Variants in HACD3 observed in about 807,000 individuals in gnomAD.
The protein encoded by HACD3 is very-long-chain (3R)-3-hydroxyacyl-CoA dehydratase 3.
Under a neutral mutation model 55.2 loss-of-function variants are expected in HACD3, and 30 were observed. The observed-to-expected ratio is 0.54, with a 90% CI of 0.41 to 0.74. HACD3 has a LOEUF of 0.74. Among genes scored for constraint, HACD3 ranks in the 30% least tolerant of loss-of-function variants. The pLI is 0.00. For synonymous variants in HACD3, 141 were observed against 151.7 expected (o/e 0.93, Z 0.52); for missense variants, 363 against 440.1 (o/e 0.82, Z 1.57).
intron 1 of HACD3, among the ~76,000 whole-genome samples, chr15:65,544,185 GA>G (rs1305782948): frequency 2.0e-5 from 3 of 151,544 alleles, no homozygotes; most frequent in African/African-American, 7.3e-5. Context: ...TCAAAAAAAA[GA>G]AAAAAATAAA....
At position 65,575,382 on chromosome 15, in the gene HACD3, G is replaced by A. The variant is rs1043992571; in HGVS notation, c.1013-921G>A. The stretch of plus-strand genomic sequence containing the variant: ...TTTGTATTTTCAGTAGAGATGGGGC[G>A]TCACAATGTTGGCCAGGCTGGTCTC... On this transcript the variant is annotated intron_variant, in intron 10 of 10. Coordinates refer to ENST00000261875, the MANE Select transcript of HACD3 (RefSeq NM_016395.4). Among the ~76,000 whole-genome samples, 8 of 151,972 alleles carry A rather than the reference G, an allele frequency of 5.3e-5. No homozygotes were observed. The East Asian group carries it at 9.7e-4, about 18-fold the overall frequency.
intron 1 of HACD3, among the ~76,000 whole-genome samples, chr15:65,540,424 GT>G (rs1484784244): frequency 6.6e-6 from 1 of 152,214 alleles, no homozygotes; most frequent in African/African-American, 2.4e-5. Context: ...AGAATAATTG[GT>G]AGAGGCTATT....
At chr15:65,544,029 T>TA (rs2072047940) in intron 1 of HACD3, among the ~76,000 whole-genome samples, 1 of 151,828 alleles carries the variant, frequency 6.6e-6, no homozygotes, top group Admixed American at 6.6e-5. Context: ...ACAAAAAAAT[T>TA]ACCCGGGCCT....
intron 1 of HACD3, among the ~76,000 whole-genome samples, chr15:65,549,141 C>T (rs60239457): frequency 6.6e-6 from 1 of 152,236 alleles, no homozygotes. Flanking sequence ...ATAAAAATGT[C>T]TTAAAAACAT....
rs1404687345 is a variant in HACD3 at position 65,577,063 on chromosome 15, C to T, written c.*684C>T. 6.6e-6 allele frequency: 1 copy of T among 152,156 alleles called. No homozygotes were observed. The highest frequency in any genetic ancestry group is 1.5e-5 in the Non-Finnish European group (1 of 68,042). 9.4% of individuals were successfully genotyped at this position (152,156 alleles called of 1,614,324 possible). A position where few individuals can be genotyped will look rare whatever the true frequency, so the allele number is the denominator to read the frequency against. ...CTTGGAACATCATGATCATGCCATT[C>T]TTAAGTAAATCAACTATTTTCAACA... On this transcript the variant is annotated 3_prime_UTR_variant, in exon 11 of 11. Transcript: ENST00000261875.
intron 2 of HACD3, among the ~76,000 whole-genome samples, chr15:65,554,149 A>G (rs1376016590): frequency 6.6e-6 from 1 of 152,238 alleles, no homozygotes; most frequent in Non-Finnish European, 1.5e-5. Flanking sequence ...TGTACCCTGC[A>G]GTCAAGATGA....
chr15:65,548,788 A>G (rs2072101669), intron 1 of HACD3, among the ~76,000 whole-genome samples: 1 of 150,154 alleles, frequency 6.7e-6, no homozygotes. Context: ...CTGGTCTTGA[A>G]CTCCTGGGCT....
At chr15:65,557,818 T>C (rs1183867240) in intron 4 of HACD3, among the ~76,000 whole-genome samples, 3 of 152,356 alleles carry the variant, frequency 2.0e-5, no homozygotes, top group Middle Eastern at 3.4e-3. Context: ...CTAATATTAT[T>C]TATTTTGTTG....
At chr15:65,557,729 C>T (rs2072207430) in intron 4 of HACD3, among the ~76,000 whole-genome samples, 1 of 152,148 alleles carries the variant, frequency 6.6e-6, no homozygotes, top group African/African-American at 2.4e-5. Flanking sequence ...TTATGCATGT[C>T]TATTGTCTCC....
intron 4 of HACD3, 33 bp downstream of exon 4, chr15:65,556,936 G>A (rs1456382343): frequency 6.3e-7 from 1 of 1,582,088 alleles, no homozygotes; most frequent in Non-Finnish European, 8.6e-7. Context: ...AGCCATTGAG[G>A]ACAAATCATG....
At position 65,570,072 on chromosome 15, in the gene HACD3, T is replaced by C; in HGVS notation, c.661-19T>C. The C allele has an allele frequency of 3.3e-6, 5 of 1,499,644 alleles. No individual in the cohort carries two copies. Among genetic ancestry groups the C allele is most frequent in the Admixed American group, 3.6e-5 (2 of 56,040 alleles). 92.9% of individuals were successfully genotyped at this position (1,499,644 alleles called of 1,614,324 possible). A position where few individuals can be genotyped will look rare whatever the true frequency, so the allele number is the denominator to read the frequency against. ...TATATTTTATTAACTTTTTTCTCTC[T>C]TTTGGGTCTTTCTAATAGCTTCTTG... On this transcript the variant is annotated intron_variant, in intron 7 of 10. Transcript: ENST00000261875.
intron 10 of HACD3, among the ~76,000 whole-genome samples, chr15:65,572,654 C>T (rs1383955856): frequency 2.6e-5 from 4 of 152,078 alleles, no homozygotes; most frequent in Non-Finnish European, 5.9e-5. Flanking sequence ...TGGTGGCTCA[C>T]GCTTGTAATC....
chr15:65,563,968 CAAA>C (rs964101761), intron 6 of HACD3, among the ~76,000 whole-genome samples: 2 of 136,712 alleles, frequency 1.5e-5, no homozygotes, highest in African/African-American at 2.7e-5. Flanking sequence ...GACTCCATCT[CAAA>C]AAAAAAAAAG....
At chr15:65,546,343 T>C (rs1415318104) in intron 1 of HACD3, among the ~76,000 whole-genome samples, 1 of 152,228 alleles carries the variant, frequency 6.6e-6, no homozygotes, top group Non-Finnish European at 1.5e-5. Flanking sequence ...TTATTGTTCT[T>C]AGGTATTAGA....
intron 1 of HACD3, chr15:65,535,718 C>A (rs1210701978): frequency 2.2e-6 from 1 of 459,412 alleles, no homozygotes; most frequent in Admixed American, 3.9e-5. Flanking sequence ...TTTTTTGAGG[C>A]AGGGTCTCAC....
At chr15:65,572,462 T>C in intron 10 of HACD3, 96 bp downstream of exon 10, 1 of 1,333,866 alleles carries the variant, frequency 7.5e-7, no homozygotes, top group Non-Finnish European at 1.0e-6. Flanking sequence ...TGAGAATTCT[T>C]TTGGGACAGA....
At chr15:65,546,667 C>G (rs899300482) in intron 1 of HACD3, among the ~76,000 whole-genome samples, 4 of 152,186 alleles carry the variant, frequency 2.6e-5, no homozygotes, top group African/African-American at 9.7e-5. Context: ...TCCCAAACTA[C>G]TGGCATCAAG....
At position 65,570,105 on chromosome 15, in the gene HACD3, T is replaced by C. The variant is rs765129643; in HGVS notation, c.675T>C (p.Asn225=). Residue 225 remains asparagine, a synonymous_variant, in exon 8 of 11, where the codon AAT becomes AAC. Coordinates refer to ENST00000261875, the MANE Select transcript of HACD3 (RefSeq NM_016395.4). ...LPSLIQLLGR[N]FILFIIFGTM... ...CTTTCTAATAGCTTCTTGGAAGAAATTTTATTTTGTTTATCATCTTTGGCA... is the reference window on the plus strand; with the variant it reads ...CTTTCTAATAGCTTCTTGGAAGAAACTTTATTTTGTTTATCATCTTTGGCA... 1 of 1,605,828 alleles carries C rather than the reference T, an allele frequency of 6.2e-7. No homozygotes were observed. Among genetic ancestry groups the C allele is most frequent in the South Asian group, 1.1e-5 (1 of 89,428 alleles).
chr15:65,571,954 T>C (rs2072352370), intron 9 of HACD3, among the ~76,000 whole-genome samples: 1 of 152,174 alleles, frequency 6.6e-6, no homozygotes, highest in Admixed American at 6.5e-5. Flanking sequence ...CTGACAAACA[T>C]CTCATACATA....
Sources: allele counts gnomAD v4.1 joint callset (sites outside exome capture counted in the v4.1 genomes callset), GRCh38; gene constraint gnomAD v4.1.1; transcripts MANE v1.5; gene names NCBI Gene and HGNC (gene_info 2026-07-23, HGNC 2026-07-21).